Variants in EEF2 observed in about 807,000 individuals in gnomAD.
The protein encoded by EEF2 is eukaryotic translation elongation factor 2.
EEF2 carries 21 observed loss-of-function variants against 85.3 expected under a neutral mutation model. The ratio of observed to expected loss-of-function variants is 0.25; its 90% CI spans 0.17 to 0.35. The LOEUF is 0.35. EEF2 is among the 10% of genes least tolerant of loss of function. EEF2 has a pLI of 1.00. For synonymous variants in EEF2, 723 were observed against 508.8 expected (o/e 1.42, Z -5.67); for missense variants, 825 against 1,225.3 (o/e 0.67, Z 4.88).
At position 3,977,473 on chromosome 19, in the gene EEF2, G is replaced by C. The variant is rs2230564; in HGVS notation, c.2205C>G (p.Thr735=). The change falls in exon 13 of 15, where the codon ACC becomes ACG. Residue 735 remains threonine (T), a synonymous_variant. Transcript: ENST00000309311. This position sits in a 1 kb window ranked among gnomAD's most constrained non-coding sequence, Gnocchi z 5.4. ...ARRCLYASVL[T]AQPRLMEPIY... is the part of the protein sequence containing the mutation. ...TGGGCTCCATGAGGCGTGGCTGGGC[G>C]GTCAGCACACTGGCATAGAGGCAGC... 3.2e-6 allele frequency: 5 copies of C among 1,584,248 alleles called. No individual in the cohort carries two copies. Among genetic ancestry groups the C allele is most frequent in the Admixed American group, 1.7e-5 (1 of 57,466 alleles).
chr19:3,984,411 A>G (rs774102509), intron 1 of EEF2, 61 bp from the exon 2 acceptor site: 71 of 1,569,074 alleles, frequency 4.5e-5, no homozygotes, highest in Non-Finnish European at 6.0e-5. Context: ...CATGGCACGG[A>G]GCGTTCAGTC....
intron 4 of EEF2, 59 bp from the exon 5 acceptor site, chr19:3,982,483 C>A (rs572508339): frequency 6.2e-6 from 10 of 1,606,450 alleles, no homozygotes; most frequent in South Asian, 1.1e-5. Context: ...CCTGAAGCTA[C>A]GGGCTGGGCG....
At position 3,977,111 on chromosome 19, in the gene EEF2, C is replaced by G. The variant is rs2039688056; in HGVS notation, c.2383+104G>C. The G allele has an allele frequency of 2.0e-6, 3 of 1,488,516 alleles. No homozygotes were observed. In the African/African-American group the frequency reaches 4.2e-5, roughly 21 times the overall value. The allele number at this position is 1,488,516 out of a possible 1,614,324, so 92.2% of individuals were successfully genotyped here. ...GACCACCTGCTCCATCCATCACCTG[C>G]TCCCATCAGGACGCCTCCTTTAACA... On this transcript the variant is annotated intron_variant, in intron 14 of 14. Coordinates refer to ENST00000309311, the MANE Select transcript of EEF2 (RefSeq NM_001961.4). This position sits in a 1 kb window ranked among gnomAD's most constrained non-coding sequence, Gnocchi z 5.4.
Position 3,977,428 on chromosome 19 carries a change from C to A in EEF2, c.2250G>T (p.Gln750His). The A allele has an allele frequency of 6.3e-7, 1 of 1,584,638 alleles. No homozygotes were observed. ...LMEPIYLVEI[Q>H]CPEQVVGGIY... ...TCAGCGGTGGGCGGGTAGACCTCAC[C>A]TGGATCTCCACAAGGTAGATGGGCT... Residue 750 changes from glutamine (Q) to histidine (H), a missense_variant and splice_region_variant, in exon 13 of 15, where the codon CAG becomes CAT. Physicochemically the swap from Gln to His is conservative, Grantham distance 24. Transcript: ENST00000309311. The surrounding 1 kb of genome is among the most constrained non-coding windows in gnomAD (Gnocchi z 5.4).
At position 3,985,376 on chromosome 19, in the gene EEF2, A is replaced by G; in HGVS notation, c.3+2T>C. 6.6e-7 allele frequency: 1 copy of G among 1,511,726 alleles called. No individual in the cohort carries two copies. The highest frequency in any genetic ancestry group is 1.3e-5 in the South Asian group (1 of 79,390). 93.6% of individuals were successfully genotyped at this position (1,511,726 alleles called of 1,614,324 possible). ...GGGCACCAGCGAGGCAGGGTTACTC[A>G]CCATGGTGGCGGATGGCGGTGGATT... is the stretch of plus-strand genomic sequence containing the variant. On this transcript the variant is annotated splice_donor_variant, in intron 1 of 14. Coordinates refer to ENST00000309311, the MANE Select transcript of EEF2 (RefSeq NM_001961.4). LOFTEE classifies it high-confidence loss of function.
chr19:3,982,126 G>C, intron 5 of EEF2, 74 bp from the exon 6 acceptor site: 3 of 1,597,146 alleles, frequency 1.9e-6, no homozygotes, highest in Non-Finnish European at 2.6e-6. Context: ...TCGCCAAGGG[G>C]ACATGCTTGG....
intron 1 of EEF2, chr19:3,984,865 T>C (rs2039799627): frequency 5.9e-6 from 1 of 169,286 alleles, no homozygotes; most frequent in African/African-American, 2.4e-5. Flanking sequence ...ATAAGAGTCT[T>C]TGTACATCTG....
chr19:3,976,706 A>C lies in EEF2; in HGVS notation c.2425T>G (p.Phe809Val). Residue 809 changes from phenylalanine to valine, a missense_variant, in exon 15 of 15, where the codon TTC (phenylalanine) becomes GTC (valine). Transcript: ENST00000309311. ...DLRSNTGGQAFPQCVFDHWQI... is the reference protein window; with the variant it reads ...DLRSNTGGQAVPQCVFDHWQI... Reference sequence around the variant, plus strand: ...CAGTGGTCAAACACACACTGGGGGAACGCCTGGCCGCCCGTGTTGGACCTC... The same window carrying C: ...CAGTGGTCAAACACACACTGGGGGACCGCCTGGCCGCCCGTGTTGGACCTC... 1 of 1,604,538 alleles carries C rather than the reference A, an allele frequency of 6.2e-7. No homozygotes were observed. Among genetic ancestry groups the C allele is most frequent in the Non-Finnish European group, 8.5e-7 (1 of 1,177,702 alleles).
intron 1 of EEF2, chr19:3,984,821 C>G (rs2039798951): frequency 5.3e-6 from 1 of 187,508 alleles, no homozygotes; most frequent in Non-Finnish European, 1.1e-5. Context: ...GCCGGAACGG[C>G]CCTAACTGCC....
chr19:3,982,668 A>C, intron 4 of EEF2, 139 bp downstream of exon 4: 3 of 1,155,898 alleles, frequency 2.6e-6, no homozygotes, highest in Non-Finnish European at 3.7e-6. Context: ...TCGGATGAAA[A>C]CATTCCAGCC....
rs1298846450 is a variant in EEF2 at position 3,981,118 on chromosome 19, G to T, written c.1012-139C>A. The T allele has an allele frequency of 8.7e-6, 12 of 1,384,774 alleles. No individual in the cohort carries two copies. The South Asian group carries it at 1.7e-4, about 20-fold the overall frequency. The allele number at this position is 1,384,774 out of a possible 1,614,324, so 85.8% of individuals were successfully genotyped here. A position where few individuals can be genotyped will look rare whatever the true frequency, so the allele number is the denominator to read the frequency against. On this transcript the variant is annotated intron_variant, in intron 7 of 14. Transcript: ENST00000309311. The stretch of plus-strand genomic sequence containing the variant: ...AAAGCACAGTCCCTTCTGGAAGGCG[G>T]CAAAGGCCATGCACACTCCTGCCAA...
chr19:3,976,810 C>T, intron 14 of EEF2, 63 bp from the exon 15 acceptor site: 1 of 1,445,818 alleles, frequency 6.9e-7, no homozygotes, highest in Non-Finnish European at 9.1e-7. Context: ...AAGGAAAGTC[C>T]TGTCAGGAGC....
chr19:3,985,306 C>T, intron 1 of EEF2, 72 bp downstream of exon 1: 1 of 1,347,112 alleles, frequency 7.4e-7, no homozygotes, highest in Non-Finnish European at 9.7e-7. Flanking sequence ...CCCAGCGTCC[C>T]AGGCTAGGCA....
intron 5 of EEF2, 44 bp downstream of exon 5, chr19:3,982,202 C>A: frequency 6.2e-7 from 1 of 1,608,864 alleles, no homozygotes; most frequent in Non-Finnish European, 8.5e-7. Flanking sequence ...GCTGCCACTA[C>A]CCCCAGGTGT....
In EEF2 at chr19:3,982,810, G is replaced by A. The variant is rs1426757825; in HGVS notation, c.609C>T (p.Ile203=). The part of the protein sequence containing the change: ...GEGESGPMGN[I]MIDPVLGTVG... ...ACCCAGCTAGGGAGGGCCGTACCAT[G>A]ATGTTGCCCATGGGGCCGCTCTCGC... The change falls in exon 4 of 15, where the codon ATC becomes ATT. Residue 203 remains isoleucine, a synonymous_variant. Transcript: ENST00000309311. 5 of 1,610,134 alleles carry A rather than the reference G, an allele frequency of 3.1e-6. No homozygotes were observed. In the East Asian group the frequency reaches 6.7e-5, roughly 22 times the overall value.
chr19:3,982,647 G>T, intron 4 of EEF2, 160 bp downstream of exon 4: 1 of 1,104,054 alleles, frequency 9.1e-7, no homozygotes, highest in Non-Finnish European at 1.3e-6. Context: ...AAGATCAAGG[G>T]CTGGGTCAAG....
rs145540039 is a variant in EEF2 at position 3,978,116 on chromosome 19, G to C, written c.1770C>G (p.Leu590=). The change falls in exon 12 of 15, where the codon CTC becomes CTG. Residue 590 remains leucine, a synonymous_variant. Transcript: ENST00000309311. ...RETVSEESNV[L]CLSKSPNKHN... The stretch of plus-strand genomic sequence containing the variant: ...GCTTGTTGGGGGACTTGGAGAGGCA[G>C]AGCACGTTCGACTCTTCACTGACCG... 1.3e-6 allele frequency: 2 copies of C among 1,507,842 alleles called. No individual in the cohort carries two copies. The highest frequency in any genetic ancestry group is 2.4e-5 in the East Asian group (1 of 41,258). The allele number at this position is 1,507,842 out of a possible 1,614,324, so 93.4% of individuals were successfully genotyped here.
chr19:3,982,033 C>A lies in EEF2; in HGVS notation c.811G>T (p.Gly271Cys). ...CTGGTGGCTGACTTGCTGAACTTGC[C>A]GTTGGCTGGGTCAAAGTACCTGGCA... ...WGDRYFDPANGKFSKSATSPE... is the reference protein window; with the variant it reads ...WGDRYFDPANCKFSKSATSPE... Residue 271 changes from glycine to cysteine, a missense_variant, in exon 6 of 15, where the codon GGC (glycine) becomes TGC (cysteine). Gly to Cys is a radical substitution (Grantham distance 159). Coordinates refer to ENST00000309311, the MANE Select transcript of EEF2 (RefSeq NM_001961.4). 6.2e-7 allele frequency: 1 copy of A among 1,614,124 alleles called. No individual in the cohort carries two copies.
In EEF2 at chr19:3,982,906, G is replaced by A. The variant is rs768630429; in HGVS notation, c.513C>T (p.Pro171=). Residue 171 remains proline (P), a synonymous_variant, in exon 4 of 15, where the codon CCC becomes CCT. Coordinates refer to ENST00000309311, the MANE Select transcript of EEF2 (RefSeq NM_001961.4). ...DRALLELQLE[P]EELYQTFQRI... is the part of the protein sequence containing the mutation. ...GCTGGAAAGTCTGGTAGAGCTCCTC[G>A]GGCTCCAGCTGCAGCTCCAGCAGGG... 9.3e-6 allele frequency: 15 copies of A among 1,613,422 alleles called. No individual in the cohort carries two copies. The highest frequency in any genetic ancestry group is 4.5e-5 in the East Asian group (2 of 44,880).
Sources: allele counts gnomAD v4.1 joint callset, GRCh38; gene constraint gnomAD v4.1.1; non-coding constraint Gnocchi (gnomAD v3.1); transcripts MANE v1.5; gene names NCBI Gene and HGNC (gene_info 2026-07-23, HGNC 2026-07-21).